Variants in ASCC1 observed in about 807,000 individuals in gnomAD.
ASCC1 encodes activating signal cointegrator 1 complex subunit 1.
Under a neutral mutation model 46.6 loss-of-function variants are expected in ASCC1, and 35 were observed. The ratio of observed to expected loss-of-function variants is 0.75; its 90% CI spans 0.57 to 0.99. ASCC1 has a LOEUF of 0.99. ASCC1 is among the 50% of genes least tolerant of loss of function. The probability of loss-of-function intolerance (pLI) is 0.00; values close to 1 mark genes in which losing one functional copy is unlikely to be tolerated. For missense variants in ASCC1, 376 were observed against 428.7 expected (o/e 0.88, Z 1.09); for synonymous variants, 143 against 146.6 (o/e 0.98, Z 0.18).
chr10:72,201,935 A>AAAAAT (rs1218267572), intron 4 of ASCC1, among the ~76,000 whole-genome samples: 43 of 151,530 alleles, frequency 2.8e-4, no homozygotes, highest in East Asian at 7.8e-4. Flanking sequence ...CTCTGTCTCC[A>AAAAAT]AAAATAAAAT....
In ASCC1 at chr10:72,213,285, C is replaced by T. The variant is rs751027189; in HGVS notation, c.14G>A (p.Arg5His). The change falls in exon 2 of 10, where the codon CGT (arginine) becomes CAT (histidine). Residue 5 changes from arginine to histidine, a missense_variant. Transcript: ENST00000672957. MEVL[R>H]PQLIRIDGRN... ...GCCATCAATTCTTATAAGCTGTGGA[C>T]GCAGAACTTCCATGACACTTTCTCC... 8.1e-6 allele frequency: 13 copies of T among 1,612,530 alleles called. No individual in the cohort carries two copies. Among genetic ancestry groups the T allele is most frequent in the Middle Eastern group, 1.6e-4 (1 of 6,076 alleles).
At chr10:72,174,293 C>G (rs1851599548) in intron 5 of ASCC1, among the ~76,000 whole-genome samples, 1 of 152,160 alleles carries the variant, frequency 6.6e-6, no homozygotes, top group Non-Finnish European at 1.5e-5. Flanking sequence ...GCACCCTGGG[C>G]TCGAGTGGGG....
At chr10:72,150,896 A>G (rs1848245414) in intron 7 of ASCC1, among the ~76,000 whole-genome samples, 1 of 152,238 alleles carries the variant, frequency 6.6e-6, no homozygotes, top group South Asian at 2.1e-4. Context: ...CCACAATGAG[A>G]TACCATCTCA....
chr10:72,173,595 A>G (rs532184504), intron 5 of ASCC1, among the ~76,000 whole-genome samples: 1 of 152,318 alleles, frequency 6.6e-6, no homozygotes, highest in East Asian at 1.9e-4. Context: ...CAGTCTTTTA[A>G]TGAATGGAGA....
At chr10:72,164,271 AT>A (rs1307044708) in intron 5 of ASCC1, among the ~76,000 whole-genome samples, 1 of 151,940 alleles carries the variant, frequency 6.6e-6, no homozygotes, top group Non-Finnish European at 1.5e-5. Flanking sequence ...CCTCATACCC[AT>A]TTAAATAAAT....
intron 9 of ASCC1, among the ~76,000 whole-genome samples, chr10:72,127,231 T>C (rs1469666631): frequency 1.3e-5 from 2 of 152,128 alleles, no homozygotes; most frequent in Non-Finnish European, 2.9e-5. Context: ...AAAGAAGAAA[T>C]GAAAACCTCT....
intron 1 of ASCC1, among the ~76,000 whole-genome samples, chr10:72,215,398 CA>C (rs1859021071): frequency 6.6e-6 from 1 of 151,940 alleles, no homozygotes; most frequent in Non-Finnish European, 1.5e-5. Context: ...GACTTCGTCT[CA>C]AAAAAATAAA....
In ASCC1 at chr10:72,102,320, C is replaced by T. The variant is rs142218806; in HGVS notation, c.958-4870G>A. ...AAGTTCAGGTGTGTTTACACACTCA[C>T]GGCTGTATCTTACCCACTAGCTCTC... On this transcript the variant is annotated intron_variant, in intron 9 of 9. Transcript: ENST00000672957. The T allele has an allele frequency of 1.3e-5, 20 of 1,546,576 alleles. No homozygotes were observed. In the African/African-American group the frequency reaches 1.5e-4, roughly 12 times the overall value.
chr10:72,120,336 G>C (rs1192050771), intron 9 of ASCC1, among the ~76,000 whole-genome samples: 1 of 152,112 alleles, frequency 6.6e-6, no homozygotes, highest in Non-Finnish European at 1.5e-5. Flanking sequence ...AAGAATCTCT[G>C]AGCTTGAGGA....
Position 72,210,806 on chromosome 10 carries a change from G to C in ASCC1, c.138C>G (p.Pro46=), listed in dbSNP as rs2133492697. 4 of 1,613,944 alleles carry C rather than the reference G, an allele frequency of 2.5e-6. No homozygotes were observed. The highest frequency in any genetic ancestry group is 2.2e-5 in the East Asian group (1 of 44,868). Residue 46 remains proline (P), a synonymous_variant, in exon 3 of 10, where the codon CCC becomes CCG. Coordinates refer to ENST00000672957, the MANE Select transcript of ASCC1 (RefSeq NM_001198800.3). The part of the protein sequence containing the change: ...YQGSMECADE[P]CDAYEVEQTP... ...TCTGCTCCACCTCGTAGGCATCACA[G>C]GGCTCATCAGCACACTCCATGGAGC...
chr10:72,154,986 A>T (rs373973205), intron 6 of ASCC1, among the ~76,000 whole-genome samples: 1 of 152,362 alleles, frequency 6.6e-6, no homozygotes, highest in Non-Finnish European at 1.5e-5. Context: ...AAACTGATAT[A>T]AAATGATATA....
chr10:72,202,995 G>A (rs1448081056), intron 4 of ASCC1, among the ~76,000 whole-genome samples: 4 of 151,934 alleles, frequency 2.6e-5, no homozygotes, highest in South Asian at 2.1e-4. Flanking sequence ...CCATAAAGAC[G>A]CCCATAGCTG....
At chr10:72,119,445 T>C (rs1238120671) in intron 9 of ASCC1, among the ~76,000 whole-genome samples, 1 of 152,088 alleles carries the variant, frequency 6.6e-6, no homozygotes, top group Non-Finnish European at 1.5e-5. Context: ...GGCACTAACC[T>C]TCCATGTGTA....
chr10:72,193,095 T>A (rs113395987), intron 5 of ASCC1, among the ~76,000 whole-genome samples: 11 of 152,290 alleles, frequency 7.2e-5, no homozygotes, highest in African/African-American at 2.4e-4. Context: ...TAAAGTTAAA[T>A]ATACACCTAC....
At chr10:72,127,867 TAAAC>T (rs1373932637) in intron 9 of ASCC1, among the ~76,000 whole-genome samples, 3 of 150,952 alleles carry the variant, frequency 2.0e-5, no homozygotes, top group Non-Finnish European at 3.0e-5. Context: ...GATAAACAAA[TAAAC>T]AAACAAACCA....
chr10:72,164,743 C>T (rs894986169), intron 5 of ASCC1, among the ~76,000 whole-genome samples: 2 of 152,164 alleles, frequency 1.3e-5, no homozygotes, highest in Admixed American at 6.6e-5. Flanking sequence ...ACAAACATTC[C>T]CAGCAGCAAT....
chr10:72,144,945 T>G (rs1847458596), intron 7 of ASCC1, among the ~76,000 whole-genome samples: 1 of 152,248 alleles, frequency 6.6e-6, no homozygotes, highest in African/African-American at 2.4e-5. Flanking sequence ...AATATACCCT[T>G]TAGAAGTTCC....
In ASCC1 at chr10:72,104,884, C is replaced by T. The variant is rs144817035; in HGVS notation, c.958-7434G>A. On this transcript the variant is annotated intron_variant, in intron 9 of 9. Coordinates refer to ENST00000672957, the MANE Select transcript of ASCC1 (RefSeq NM_001198800.3). ...TAAGAAAATTTAAAACCACACCGGG[C>T]GGGGTGACTTATGACTTGAGTTCAG... is the stretch of plus-strand genomic sequence containing the variant. 6.0e-3 allele frequency among the ~76,000 whole-genome samples: 906 copies of T among 152,184 alleles called. 8 individuals carry two copies. The highest frequency in any genetic ancestry group is 0.021 in the African/African-American group (860 of 41,476).
At chr10:72,135,277 A>G (rs1846049717) in intron 7 of ASCC1, among the ~76,000 whole-genome samples, 1 of 152,134 alleles carries the variant, frequency 6.6e-6, no homozygotes, top group Non-Finnish European at 1.5e-5. Context: ...AGGAATGAAC[A>G]AACACACACG....
Sources: gnomAD v4.1 joint callset for allele counts (sites outside exome capture counted in the v4.1 genomes callset) on GRCh38, gnomAD v4.1.1 for gene constraint, MANE v1.5 for transcripts, NCBI Gene and HGNC (gene_info 2026-07-23, HGNC 2026-07-21) for gene names.